Variants in GLE1 observed in about 807,000 individuals in gnomAD.
The protein encoded by GLE1 is mRNA export factor GLE1.
A neutral mutation model predicts 97.3 loss-of-function variants in GLE1; 78 were observed. The observed-to-expected ratio is 0.80, with a 90% confidence interval of 0.67 to 0.97. The LOEUF (loss-of-function observed/expected upper bound fraction) is 0.97. Ranked by LOEUF, GLE1 falls within the 50% of genes least tolerant of loss-of-function variation. GLE1 has a pLI of 0.00. For synonymous variants in GLE1, 302 were observed against 313.4 expected (o/e 0.96, Z 0.39); for missense variants, 753 against 857.5 (o/e 0.88, Z 1.52).
intron 9 of GLE1, 57 bp from the exon 10 acceptor site, chr9:128,533,456 A>G (rs939362127): frequency 7.2e-6 from 9 of 1,257,238 alleles, no homozygotes; most frequent in Admixed American, 4.1e-5. Flanking sequence ...AAAAAAAGGA[A>G]AAGAAAAAGA....
At chr9:128,517,031 C>T (rs1018824491) in intron 3 of GLE1, among the ~76,000 whole-genome samples, 9 of 151,708 alleles carry the variant, frequency 5.9e-5, no homozygotes, top group East Asian at 1.9e-4. Flanking sequence ...GGCTCATGCC[C>T]GTAATCCCAG....
intron 9 of GLE1, chr9:128,532,563 C>A: frequency 6.0e-6 from 1 of 167,776 alleles, no homozygotes; most frequent in Non-Finnish European, 1.2e-5. Context: ...CTACAGAACC[C>A]AGTGGCAGGA....
chr9:128,516,361 C>T (rs1184316037), intron 3 of GLE1, among the ~76,000 whole-genome samples: 3 of 152,074 alleles, frequency 2.0e-5, no homozygotes, highest in South Asian at 2.1e-4. Flanking sequence ...GCTCTGTTGC[C>T]CAGGCTGTAG....
intron 3 of GLE1, among the ~76,000 whole-genome samples, chr9:128,520,368 A>ATGTATATG (rs1847113779): frequency 1.5e-5 from 2 of 133,968 alleles, no homozygotes; most frequent in Admixed American, 1.6e-4. Flanking sequence ...GTGTGTATAT[A>ATGTATATG]TGTATATATG....
intron 9 of GLE1, among the ~76,000 whole-genome samples, chr9:128,530,107 T>G (rs1847445452): frequency 6.6e-6 from 1 of 152,170 alleles, no homozygotes; most frequent in African/African-American, 2.4e-5. Flanking sequence ...GGATCTACTC[T>G]TATCCTGCAG....
At chr9:128,538,886 G>T (rs1847804903) in intron 13 of GLE1, among the ~76,000 whole-genome samples, 1 of 152,144 alleles carries the variant, frequency 6.6e-6, no homozygotes, top group African/African-American at 2.4e-5. Flanking sequence ...ATAGAAGAAA[G>T]CCTTGGGGTA....
chr9:128,537,079 T>C (rs992930023), intron 12 of GLE1: 2 of 154,442 alleles, frequency 1.3e-5, no homozygotes, highest in African/African-American at 4.8e-5. Flanking sequence ...ATTGTTACCC[T>C]ATGGAATGCC....
intron 13 of GLE1, among the ~76,000 whole-genome samples, chr9:128,539,023 T>A (rs1847809851): frequency 6.6e-6 from 1 of 152,074 alleles, no homozygotes; most frequent in African/African-American, 2.4e-5. Context: ...GGCGGATCAC[T>A]TGAGCTCTGG....
At chr9:128,535,156 G>T (rs1012157581) in intron 11 of GLE1, among the ~76,000 whole-genome samples, 4 of 151,996 alleles carry the variant, frequency 2.6e-5, no homozygotes, top group Non-Finnish European at 5.9e-5. Context: ...CAGAAGGATC[G>T]CTTGAGCCCA....
chr9:128,508,802 C>A, intron 1 of GLE1, 74 bp from the exon 2 acceptor site: 1 of 864,084 alleles, frequency 1.2e-6, no homozygotes, highest in South Asian at 1.3e-5. Flanking sequence ...CTTAGATGTT[C>A]AGTAAGGCAT....
chr9:128,536,509 A>G (rs1299376344), intron 12 of GLE1, 25 bp downstream of exon 12: 7 of 1,603,154 alleles, frequency 4.4e-6, no homozygotes, highest in Non-Finnish European at 6.0e-6. Flanking sequence ...CTTACTGTCA[A>G]TAATGAGAGG....
intron 9 of GLE1, among the ~76,000 whole-genome samples, chr9:128,529,709 C>CCTCTCTCTCCCTCTCTCCCTCT (rs1847424711): frequency 1.3e-5 from 2 of 151,040 alleles, no homozygotes; most frequent in Non-Finnish European, 3.0e-5. Context: ...TCCCTCTCTC[C>CCTCTCTCTCCCTCTCTCCCTCT]CTCTCTCTCT....
chr9:128,526,658 GTTTT>G (rs1017246291), intron 7 of GLE1, among the ~76,000 whole-genome samples: 1 of 151,096 alleles, frequency 6.6e-6, no homozygotes, highest in African/African-American at 2.4e-5. Context: ...TGCGCCCAGC[GTTTT>G]TTGTTTTTTG....
Position 128,527,165 on chromosome 9 carries a change from CTT to C in GLE1, c.1130-11_1130-10del, listed in dbSNP as rs1477701122. The C allele has an allele frequency of 4.2e-6, 6 of 1,432,414 alleles. No individual in the cohort carries two copies. Among genetic ancestry groups the C allele is most frequent in the East Asian group, 2.3e-5 (1 of 44,078 alleles). 88.7% of individuals were successfully genotyped at this position (1,432,414 alleles called of 1,614,324 possible). ...AATACTAGCTATTACTAAAACCTCT[CTT>C]TTATTTCTCAGACCTCCAGGTGAAG... is the stretch of plus-strand genomic sequence containing the variant. On this transcript the variant is annotated splice_polypyrimidine_tract_variant and intron_variant, in intron 7 of 15. Transcript: ENST00000309971.
intron 11 of GLE1, among the ~76,000 whole-genome samples, chr9:128,535,471 G>A (rs1212913964): frequency 7.0e-6 from 1 of 142,858 alleles, no homozygotes; most frequent in Admixed American, 7.4e-5. Context: ...GCACTGAGCC[G>A]AGATCATGCC....
At chr9:128,527,328 T>G in intron 8 of GLE1, 37 bp downstream of exon 8, 1 of 1,351,996 alleles carries the variant, frequency 7.4e-7, no homozygotes, top group Non-Finnish European at 1.1e-6. Flanking sequence ...TTTGTGGACT[T>G]GATGGTTCTC....
At chr9:128,534,134 A>G (rs932688852) in intron 11 of GLE1, among the ~76,000 whole-genome samples, 183 bp downstream of exon 11, 4 of 152,112 alleles carry the variant, frequency 2.6e-5, no homozygotes, top group Admixed American at 6.5e-5. Context: ...TTGGGAGGCC[A>G]AGTTGGGTGG....
At chr9:128,536,580 A>G in intron 12 of GLE1, 96 bp downstream of exon 12, 1 of 1,110,684 alleles carries the variant, frequency 9.0e-7, no homozygotes, top group Non-Finnish European at 1.4e-6. Context: ...TCAGAGAGCC[A>G]GTCTAGTTAA....
Position 128,523,788 on chromosome 9 carries a change from A to G in GLE1, c.839A>G (p.Gln280Arg). Reference sequence around the variant, plus strand: ...CTTAAGGTCGACCTGGCTGCCTTCCAGACCCGAGGCAACCAGCTGTGCAGC... The same window carrying G: ...CTTAAGGTCGACCTGGCTGCCTTCCGGACCCGAGGCAACCAGCTGTGCAGC... The part of the protein sequence containing the change: ...ALLKVDLAAF[Q>R]TRGNQLCSLI... Residue 280 changes from glutamine to arginine, a missense_variant, in exon 6 of 16, where the codon CAG becomes CGG. By Grantham distance (43) the Gln-to-Arg change is conservative (BLOSUM62 1). Coordinates refer to ENST00000309971, the MANE Select transcript of GLE1 (RefSeq NM_001003722.2). 1 of 1,614,008 alleles carries G rather than the reference A, an allele frequency of 6.2e-7. No homozygotes were observed. Among genetic ancestry groups the G allele is most frequent in the South Asian group, 1.1e-5 (1 of 91,080 alleles).
Sources: gnomAD v4.1 joint callset for allele counts (sites outside exome capture counted in the v4.1 genomes callset) on GRCh38, gnomAD v4.1.1 for gene constraint, MANE v1.5 for transcripts, NCBI Gene and HGNC (gene_info 2026-07-23, HGNC 2026-07-21) for gene names.